PICALM: variants seen among roughly 807,000 people sequenced by gnomAD.
PICALM encodes phosphatidylinositol binding clathrin assembly protein, also known as phosphatidylinositol-binding clathrin assembly protein.
Under a neutral mutation model 80.5 loss-of-function variants are expected in PICALM, and 40 were observed. The ratio of observed to expected loss-of-function variants is 0.50; its 90% CI spans 0.39 to 0.65. PICALM has a LOEUF of 0.65. PICALM is among the 30% of genes least tolerant of loss of function. The pLI is 0.00. For synonymous variants in PICALM, 288 were observed against 260.3 expected (o/e 1.11, Z -1.02); for missense variants, 676 against 778.9 (o/e 0.87, Z 1.57).
At chr11:86,060,438 G>C (rs1245524446) in intron 1 of PICALM, among the ~76,000 whole-genome samples, 1 of 152,140 alleles carries the variant, frequency 6.6e-6, no homozygotes, top group Non-Finnish European at 1.5e-5. Context: ...GGAAATAGTT[G>C]AATTATCATT....
At chr11:85,993,983 G>C (rs1016337881) in intron 12 of PICALM, among the ~76,000 whole-genome samples, 1 of 151,880 alleles carries the variant, frequency 6.6e-6, no homozygotes, top group African/African-American at 2.4e-5. Context: ...GTCTCCTAAA[G>C]TATTGCAATT....
intron 13 of PICALM, among the ~76,000 whole-genome samples, chr11:85,988,718 G>T (rs564042538): frequency 4.9e-4 from 75 of 152,162 alleles, no homozygotes; most frequent in Non-Finnish European, 7.9e-4. Context: ...GTTATGAGTG[G>T]GATGGGTAAT....
chr11:86,002,713 A>G (rs746304020), intron 9 of PICALM, among the ~76,000 whole-genome samples: 70 of 152,206 alleles, frequency 4.6e-4, no homozygotes, highest in Middle Eastern at 6.8e-3. Flanking sequence ...ATTAATACGA[A>G]AGTATCTTGC....
intron 19 of PICALM, among the ~76,000 whole-genome samples, chr11:85,966,230 A>G (rs920883105): frequency 3.3e-5 from 5 of 151,604 alleles, no homozygotes; most frequent in African/African-American, 1.2e-4. Context: ...CCCCAAAGAC[A>G]GGGTCTAGCT....
intron 19 of PICALM, among the ~76,000 whole-genome samples, chr11:85,973,414 C>G (rs2094172379): frequency 6.6e-6 from 1 of 152,126 alleles, no homozygotes; most frequent in African/African-American, 2.4e-5. Context: ...TAAGATAGTT[C>G]AAGAGAAAGA....
At chr11:86,047,841 C>G (rs771061575) in intron 1 of PICALM, among the ~76,000 whole-genome samples, 2 of 151,936 alleles carry the variant, frequency 1.3e-5, no homozygotes, top group African/African-American at 4.8e-5. Context: ...GGCTCACACT[C>G]GTAATACCAG....
At position 86,011,122 on chromosome 11, in the gene PICALM, T is replaced by C. The variant is rs1168140035; in HGVS notation, c.673A>G (p.Met225Val). Residue 225 changes from methionine (M) to valine (V), a missense_variant, in exon 7 of 20, where the codon ATG (methionine) becomes GTG (valine). Physicochemically the swap from Met to Val is conservative, Grantham distance 21 (BLOSUM62 1). This residue lies in a region of PICALM where 285 missense variants were observed against 395.4 expected (regional missense o/e 0.72). Transcript: ENST00000393346. ...IINLLEKYFD[M>V]KKNQCKEGLD... ...CCTTCTTTGCATTGGTTCTTTTTCA[T>C]ATCAAAATATTTTTCTGACAAAATA... The C allele has an allele frequency of 4.3e-5, 59 of 1,377,472 alleles. No individual in the cohort carries two copies. In the Admixed American group the frequency reaches 1.2e-3, roughly 28 times the overall value. The allele number at this position is 1,377,472 out of a possible 1,614,324, so 85.3% of individuals were successfully genotyped here.
chr11:86,055,601 C>T (rs1158861847), intron 1 of PICALM, among the ~76,000 whole-genome samples: 2 of 152,180 alleles, frequency 1.3e-5, no homozygotes, highest in African/African-American at 4.8e-5. Context: ...TCCATTTCCA[C>T]ATTACACAGA....
intron 19 of PICALM, among the ~76,000 whole-genome samples, chr11:85,963,920 CTTT>C (rs10686143): frequency 3.8e-4 from 28 of 72,888 alleles, no homozygotes; most frequent in Non-Finnish European, 5.1e-4. Context: ...CCACACCTGG[CTTT>C]TTTTTTTTTT....
intron 18 of PICALM, among the ~76,000 whole-genome samples, chr11:85,975,581 T>C (rs2135570898): frequency 6.7e-6 from 1 of 149,458 alleles, no homozygotes; most frequent in South Asian, 2.1e-4. Context: ...TGGCCTGAGT[T>C]TCTCAGCAGA....
At chr11:86,011,195 G>GAA (rs57263198) in intron 6 of PICALM, 59 bp from the exon 7 acceptor site, 195 of 681,066 alleles carry the variant, frequency 2.9e-4, no homozygotes, top group Middle Eastern at 2.4e-3. Context: ...CCCAAAAAAG[G>GAA]AAAAAAAAAG....
intron 19 of PICALM, among the ~76,000 whole-genome samples, chr11:85,968,571 A>G (rs1033492116): frequency 1.3e-5 from 2 of 152,372 alleles, no homozygotes; most frequent in Admixed American, 6.5e-5. Flanking sequence ...AATTGAAACT[A>G]TAACTGTCTT....
intron 19 of PICALM, among the ~76,000 whole-genome samples, chr11:85,971,535 A>C (rs1327621381): frequency 6.6e-6 from 1 of 152,002 alleles, no homozygotes; most frequent in Non-Finnish European, 1.5e-5. Flanking sequence ...CAGGAGTTCA[A>C]GAACAGCCTG....
intron 6 of PICALM, 35 bp downstream of exon 6, chr11:86,012,243 CAAG>C (rs2095411191): frequency 1.8e-5 from 20 of 1,142,778 alleles, no homozygotes; most frequent in Non-Finnish European, 2.2e-5. Context: ...CCATATGACA[CAAG>C]ATAAGAAATG....
chr11:86,016,167 A>T (rs1406092010), intron 4 of PICALM, among the ~76,000 whole-genome samples: 1 of 152,212 alleles, frequency 6.6e-6, no homozygotes, highest in Admixed American at 6.5e-5. Context: ...TCCATCACAG[A>T]AGATTTGAAC....
chr11:86,021,694 G>A (rs551848202), intron 4 of PICALM, among the ~76,000 whole-genome samples: 125 of 152,152 alleles, frequency 8.2e-4, no homozygotes, highest in African/African-American at 2.9e-3. Flanking sequence ...GGTATACACC[G>A]AAGAGAATTA....
chr11:86,060,094 C>G (rs2096335263), intron 1 of PICALM, among the ~76,000 whole-genome samples: 1 of 152,144 alleles, frequency 6.6e-6, no homozygotes. Flanking sequence ...AAAGTTGAGG[C>G]ACTGTTACCT....
At chr11:86,016,416 T>G (rs772243288) in intron 4 of PICALM, among the ~76,000 whole-genome samples, 11 of 152,248 alleles carry the variant, frequency 7.2e-5, no homozygotes, top group Non-Finnish European at 1.6e-4. Flanking sequence ...CTATTTGACC[T>G]CATCAGAAAC....
chr11:86,052,291 G>T (rs549895345), intron 1 of PICALM, among the ~76,000 whole-genome samples: 1 of 152,250 alleles, frequency 6.6e-6, no homozygotes, highest in African/African-American at 2.4e-5. Flanking sequence ...GTTTCCTGAG[G>T]TCTCCCTGGC....
Sources: gnomAD v4.1 joint callset for allele counts (sites outside exome capture counted in the v4.1 genomes callset) on GRCh38, gnomAD v4.1.1 for gene constraint, gnomAD v4.1.1 regional missense constraint, MANE v1.5 for transcripts, NCBI Gene and HGNC (gene_info 2026-07-23, HGNC 2026-07-21) for gene names.